OR2A12: variants seen among roughly 807,000 people sequenced by gnomAD.
OR2A12 encodes the protein olfactory receptor 2A12.
For synonymous variants in OR2A12, 153 were observed against 149.3 expected, an observed-to-expected ratio of 1.02 and a Z score of -0.18; for missense variants, 380 against 372.5, an observed-to-expected ratio of 1.02 and a Z score of -0.17.
chr7:144,093,890 G>T (rs1295543887), intron 1 of OR2A12, among the ~76,000 whole-genome samples: 1 of 151,714 alleles, frequency 6.6e-6, no homozygotes, highest in East Asian at 1.9e-4. Flanking sequence ...TTGGACATTT[G>T]GGTTGGTTCC....
In OR2A12 at chr7:144,098,903, CCTTT is replaced by C. The variant is rs1262313402; in HGVS notation, c.*2871_*2874del. ...GGAGGACTTTCTTTCTCTCTTTCTT[CCTTT>C]CTTTCTTCTTTCTTTCCTTCCTTCC... is the stretch of plus-strand genomic sequence containing the variant. On this transcript the variant is annotated 3_prime_UTR_variant, in exon 2 of 2. Transcript: ENST00000641592. 1.3e-5 allele frequency: 2 copies of C among 151,824 alleles called. No homozygotes were observed. The highest frequency in any genetic ancestry group is 1.9e-4 in the East Asian group (1 of 5,186). 9.4% of individuals were successfully genotyped at this position (151,824 alleles called of 1,614,324 possible).
Position 144,096,328 on chromosome 7 carries a change from G to A in OR2A12, c.*288G>A, listed in dbSNP as rs950946807. On this transcript the variant is annotated 3_prime_UTR_variant, in exon 2 of 2. Coordinates refer to ENST00000641592, the MANE Select transcript of OR2A12 (RefSeq NM_001004135.2). ...AAATTAGCCGGGCGTGCTGGTGGGC[G>A]CCTGTAATCCCAGCTCTACTTGGGA... 6.6e-5 allele frequency: 14 copies of A among 212,692 alleles called. No homozygotes were observed. The highest frequency in any genetic ancestry group is 1.2e-4 in the Non-Finnish European group (13 of 105,472). 13.2% of individuals were successfully genotyped at this position (212,692 alleles called of 1,614,324 possible).
intron 1 of OR2A12, among the ~76,000 whole-genome samples, chr7:144,090,431 A>G (rs930267687): frequency 6.6e-6 from 1 of 151,908 alleles, no homozygotes; most frequent in Non-Finnish European, 1.5e-5. Flanking sequence ...TTAAAAATCT[A>G]AGAAAAACAA....
At chr7:144,089,457 T>G (rs534781629) in intron 1 of OR2A12, among the ~76,000 whole-genome samples, 1 of 152,158 alleles carries the variant, frequency 6.6e-6, no homozygotes, top group Non-Finnish European at 1.5e-5. Context: ...TCAACTAAAG[T>G]GCCTAACTCT....
At chr7:144,091,306 G>A (rs550315492) in intron 1 of OR2A12, among the ~76,000 whole-genome samples, 30 of 152,312 alleles carry the variant, frequency 2.0e-4, no homozygotes, top group African/African-American at 6.5e-4. Context: ...CAAGAGAATC[G>A]CTTGAACTTG....
chr7:144,092,172 C>T (rs980530247), intron 1 of OR2A12, among the ~76,000 whole-genome samples: 1 of 152,002 alleles, frequency 6.6e-6, no homozygotes, highest in African/African-American at 2.4e-5. Context: ...AGGTGTAAGG[C>T]CTTATTTCTG....
chr7:144,090,942 A>T (rs771920867), intron 1 of OR2A12, among the ~76,000 whole-genome samples: 26 of 152,094 alleles, frequency 1.7e-4, no homozygotes, highest in Admixed American at 3.3e-4. Context: ...AGTTTTTAAT[A>T]TTTAGGTTGA....
chr7:144,095,737 C>A lies in OR2A12; in HGVS notation c.630C>A (p.Leu210=). The A allele has an allele frequency of 6.2e-7, 1 of 1,614,102 alleles. No homozygotes were observed. Among genetic ancestry groups the A allele is most frequent in the South Asian group, 1.1e-5 (1 of 91,078 alleles). The change falls in exon 2 of 2, where the codon CTC becomes CTA. Residue 210 remains leucine, a synonymous_variant. Transcript: ENST00000641592. ...AGSAFILVGP[L]CLVLVSYLHI... ...CTGCGTTCATCTTAGTGGGGCCGCT[C>A]TGCCTGGTGCTGGTCTCCTACTTGC...
At chr7:144,091,616 G>A (rs1390143702) in intron 1 of OR2A12, among the ~76,000 whole-genome samples, 2 of 152,132 alleles carry the variant, frequency 1.3e-5, no homozygotes, top group Admixed American at 6.5e-5. Context: ...GATTAGTGAG[G>A]ATGAGGATTT....
chr7:144,089,353 C>T (rs1197947318), intron 1 of OR2A12, among the ~76,000 whole-genome samples: 1 of 150,424 alleles, frequency 6.6e-6, no homozygotes, highest in East Asian at 2.0e-4. Flanking sequence ...TGTGCGTCTG[C>T]GTCTGTGTGT....
intron 1 of OR2A12, among the ~76,000 whole-genome samples, chr7:144,087,272 G>T (rs2051193799): frequency 1.3e-5 from 2 of 152,112 alleles, no homozygotes; most frequent in Non-Finnish European, 2.9e-5. Flanking sequence ...GGAGATGTCA[G>T]GTGCCAGGGG....
At chr7:144,092,031 T>C (rs1203283459) in intron 1 of OR2A12, among the ~76,000 whole-genome samples, 3 of 152,142 alleles carry the variant, frequency 2.0e-5, no homozygotes, top group African/African-American at 7.2e-5. Flanking sequence ...TCTTTGCATA[T>C]GGTGTAAGGA....
At chr7:144,090,006 T>C (rs551542675) in intron 1 of OR2A12, among the ~76,000 whole-genome samples, 25 of 152,288 alleles carry the variant, frequency 1.6e-4, no homozygotes, top group African/African-American at 5.8e-4. Flanking sequence ...GCCCTTCTGA[T>C]TTGTATATCC....
chr7:144,088,404 T>C (rs2051202025), intron 1 of OR2A12, among the ~76,000 whole-genome samples: 1 of 152,252 alleles, frequency 6.6e-6, no homozygotes, highest in South Asian at 2.1e-4. Flanking sequence ...GCTGTGGCTT[T>C]ATAAGTCTGG....
chr7:144,095,955 T>A lies in OR2A12; in HGVS notation c.848T>A (p.Ile283Asn), dbSNP rs546071834. Residue 283 changes from isoleucine (I) to asparagine (N), a missense_variant, in exon 2 of 2, where the codon ATC becomes AAC. By Grantham distance (149) the Ile-to-Asn change is moderately radical. Coordinates refer to ENST00000641592, the MANE Select transcript of OR2A12 (RefSeq NM_001004135.2). ...CTGTTTTACAGCCTTTTCAACCCGATCCTGAACCCCCTCATCTACAGCCTT... is the reference window on the plus strand; with the variant it reads ...CTGTTTTACAGCCTTTTCAACCCGAACCTGAACCCCCTCATCTACAGCCTT... ...LSLFYSLFNP[I>N]LNPLIYSLRN... is the part of the protein sequence containing the mutation. 1.9e-6 allele frequency: 3 copies of A among 1,614,052 alleles called. No individual in the cohort carries two copies. The highest frequency in any genetic ancestry group is 2.2e-5 in the East Asian group (1 of 44,870).
In OR2A12 at chr7:144,097,802, T is replaced by C. The variant is rs537019478; in HGVS notation, c.*1762T>C. 38 of 152,310 alleles carry C rather than the reference T, an allele frequency of 2.5e-4. No homozygotes were observed. Among genetic ancestry groups the C allele is most frequent in the African/African-American group, 9.1e-4 (38 of 41,570 alleles). The allele number at this position is 152,310 out of a possible 1,614,324, so 9.4% of individuals were successfully genotyped here. Reference sequence around the variant, plus strand: ...TGGGACAACCAAGTCTTTATAAAGATATTCAAATCATGCAGAAAATTCAAC... The same window carrying C: ...TGGGACAACCAAGTCTTTATAAAGACATTCAAATCATGCAGAAAATTCAAC... On this transcript the variant is annotated 3_prime_UTR_variant, in exon 2 of 2. Coordinates refer to ENST00000641592, the MANE Select transcript of OR2A12 (RefSeq NM_001004135.2).
Position 144,095,627 on chromosome 7 carries a change from A to G in OR2A12, c.520A>G (p.Asn174Asp), listed in dbSNP as rs747171601. 18 of 1,614,000 alleles carry G rather than the reference A, an allele frequency of 1.1e-5. No homozygotes were observed. Among genetic ancestry groups the G allele is most frequent in the Admixed American group, 6.7e-5 (4 of 60,006 alleles). ...GCCTTTTTGTGGCCCACAAAAGATC[A>G]ACCACTTTTTCTGTCAAATCATGTC... ...RLPFCGPQKI[N>D]HFFCQIMSVF... Residue 174 changes from asparagine (N) to aspartate (D), a missense_variant, in exon 2 of 2, where the codon AAC (asparagine) becomes GAC (aspartate). Transcript: ENST00000641592.
At chr7:144,091,606 G>A (rs1335789695) in intron 1 of OR2A12, among the ~76,000 whole-genome samples, 1 of 152,144 alleles carries the variant, frequency 6.6e-6, no homozygotes, top group East Asian at 1.9e-4. Context: ...TTTATCTGAT[G>A]ATTAGTGAGG....
At chr7:144,093,895 G>T (rs952280155) in intron 1 of OR2A12, among the ~76,000 whole-genome samples, 3 of 151,766 alleles carry the variant, frequency 2.0e-5, no homozygotes, top group Non-Finnish European at 2.9e-5. Flanking sequence ...CATTTGGGTT[G>T]GTTCCAAGTC....
Sources: allele counts gnomAD v4.1 joint callset (sites outside exome capture counted in the v4.1 genomes callset), GRCh38; gene constraint gnomAD v4.1.1; transcripts MANE v1.5; gene names NCBI Gene and HGNC (gene_info 2026-07-23, HGNC 2026-07-21).